Variants in PRDM11 observed in about 807,000 individuals in gnomAD.
PRDM11 encodes PR domain-containing protein 11.
In PRDM11, 20 loss-of-function variants were observed where a neutral mutation model predicts 97.8. That is an observed-to-expected ratio of 0.20 (90% CI 0.14 to 0.30). PRDM11 has a LOEUF of 0.30. Among genes scored for constraint, PRDM11 ranks in the 10% least tolerant of loss-of-function variants. PRDM11 has a pLI of 1.00. For missense variants in PRDM11, 1,139 were observed against 1,555.2 expected (o/e 0.73, Z 4.50); for synonymous variants, 599 against 637.7 (o/e 0.94, Z 0.91).
chr11:45,185,964 C>T lies in PRDM11; in HGVS notation c.486+2841C>T, dbSNP rs1181836799. Among the ~76,000 whole-genome samples, 2 of 151,856 alleles carry T rather than the reference C, an allele frequency of 1.3e-5. 1 individual carries two copies. The highest frequency in any genetic ancestry group is 3.9e-4 in the East Asian group (2 of 5,178). Reference sequence around the variant, plus strand: ...GAGAGAAAGGGATTGGAGGATGCTGCTCTGCTGGCCTTCGAGATAGAGTAA... The same window carrying T: ...GAGAGAAAGGGATTGGAGGATGCTGTTCTGCTGGCCTTCGAGATAGAGTAA... On this transcript the variant is annotated intron_variant, in intron 4 of 7. Transcript: ENST00000683152.
intron 1 of PRDM11, among the ~76,000 whole-genome samples, chr11:45,151,116 C>A (rs567132469): frequency 1.4e-4 from 21 of 152,242 alleles, no homozygotes; most frequent in African/African-American, 4.6e-4. Context: ...TGGGGTAACA[C>A]CTACCTAACA....
chr11:45,181,984 C>T (rs1590412853), intron 2 of PRDM11, 99 bp downstream of exon 2: 1 of 1,117,870 alleles, frequency 8.9e-7, no homozygotes, highest in Non-Finnish European at 1.3e-6. Context: ...CACTCCTTGC[C>T]CACCTTCCCT....
intron 1 of PRDM11, among the ~76,000 whole-genome samples, chr11:45,117,844 GA>G (rs1852337996): frequency 6.6e-6 from 1 of 152,222 alleles, no homozygotes; most frequent in Non-Finnish European, 1.5e-5. Flanking sequence ...GTACAGTATG[GA>G]AAGAAGGGAA....
chr11:45,147,350 G>A (rs1169194215), intron 1 of PRDM11: 1 of 152,000 alleles, frequency 6.6e-6, no homozygotes. Flanking sequence ...CCTAGTTCTC[G>A]CGGACGCCCT....
rs772758478 is a variant in PRDM11 at position 45,227,205 on chromosome 11, C to T, written c.2580C>T (p.Asp860=). 1.6e-4 allele frequency: 244 copies of T among 1,533,964 alleles called. 2 individuals carry two copies. The South Asian group carries it at 2.0e-3, about 13-fold the overall frequency. The part of the protein sequence containing the change: ...KEVSSQTQRA[D]ASAIALALLQ... ...TCAGCAGCCAGACCCAGCGGGCAGACGCCTCGGCCATCGCACTGGCCCTGC... is the reference window on the plus strand; with the variant it reads ...TCAGCAGCCAGACCCAGCGGGCAGATGCCTCGGCCATCGCACTGGCCCTGC... The change falls in exon 8 of 8, where the codon GAC becomes GAT. Residue 860 remains aspartate (D), a synonymous_variant. Transcript: ENST00000683152. This position sits in a 1 kb window ranked among gnomAD's most constrained non-coding sequence, Gnocchi z 8.0.
intron 3 of PRDM11, 56 bp downstream of exon 3, chr11:45,182,405 C>A: frequency 6.7e-7 from 1 of 1,487,410 alleles, no homozygotes; most frequent in Non-Finnish European, 9.3e-7. Context: ...TCGCCCCATT[C>A]CTGGCTAGGG....
rs1854360979 is a variant in PRDM11 at position 45,229,682 on chromosome 11, T to A, written c.*1523T>A. Reference sequence around the variant, plus strand: ...AAAATGTGCGTGAGCTGTTAAAAACTTCTGTTCATGTTCCTACATCTGATT... The same window carrying A: ...AAAATGTGCGTGAGCTGTTAAAAACATCTGTTCATGTTCCTACATCTGATT... On this transcript the variant is annotated 3_prime_UTR_variant, in exon 8 of 8. Coordinates refer to ENST00000683152, the MANE Select transcript of PRDM11 (RefSeq NM_001384648.1). 6.6e-6 allele frequency: 1 copy of A among 152,202 alleles called. No individual in the cohort carries two copies. Among genetic ancestry groups the A allele is most frequent in the Admixed American group, 6.5e-5 (1 of 15,282 alleles). 9.4% of individuals were successfully genotyped at this position (152,202 alleles called of 1,614,324 possible).
upstream of PRDM11, among the ~76,000 whole-genome samples, chr11:45,142,491 G>A (rs1158223089): frequency 6.6e-6 from 1 of 152,058 alleles, no homozygotes; most frequent in African/African-American, 2.4e-5. Context: ...ATCTAGGGAT[G>A]CCCCTCACTC....
At chr11:45,132,048 G>A (rs11038318) in intron 1 of PRDM11, among the ~76,000 whole-genome samples, 19,806 of 152,166 alleles carry the variant, frequency 0.13, 1,473 homozygotes, top group Middle Eastern at 0.22. Flanking sequence ...TAAGAGCAAG[G>A]AAAACATTCC....
chr11:45,158,621 G>A (rs1851857488), intron 1 of PRDM11, among the ~76,000 whole-genome samples: 1 of 152,178 alleles, frequency 6.6e-6, no homozygotes, highest in African/African-American at 2.4e-5. Context: ...ACCCGACTTG[G>A]TTGGTCCCAC....
At chr11:45,125,622 T>C (rs1852550552) in intron 1 of PRDM11, among the ~76,000 whole-genome samples, 1 of 152,210 alleles carries the variant, frequency 6.6e-6, no homozygotes, top group Admixed American at 6.5e-5. Context: ...AGGAGCAGGT[T>C]GTTCAGTTTC....
upstream of PRDM11, among the ~76,000 whole-genome samples, chr11:45,094,693 A>G (rs1369865805): frequency 3.3e-4 from 41 of 124,952 alleles, no homozygotes; most frequent in African/African-American, 1.1e-3. Context: ...GATGGAAGGA[A>G]GGAAGGAAGG....
At position 45,224,401 on chromosome 11, in the gene PRDM11, G is replaced by T. The variant is rs768274470; in HGVS notation, c.927G>T (p.Leu309=). The change falls in exon 7 of 8, where the codon CTG becomes CTT. Residue 309 remains leucine, a synonymous_variant. Transcript: ENST00000683152. Reference sequence around the variant, plus strand: ...TTGACCTGATTTTCAAGGATGTTCTGGAGGCCTCACTGGAATCTGCGAAGG... The same window carrying T: ...TTGACCTGATTTTCAAGGATGTTCTTGAGGCCTCACTGGAATCTGCGAAGG... ...KKIDLIFKDV[L]EASLESAKVE... is the part of the protein sequence containing the mutation. 1 of 1,614,076 alleles carries T rather than the reference G, an allele frequency of 6.2e-7. No homozygotes were observed. The highest frequency in any genetic ancestry group is 1.3e-5 in the African/African-American group (1 of 74,926).
chr11:45,229,534 A>G lies in PRDM11; in HGVS notation c.*1375A>G, dbSNP rs1470789259. ...CACACACACACAATCACAATATACA[A>G]TATAAGCTTTAGAAATAGCCACTTG... On this transcript the variant is annotated 3_prime_UTR_variant, in exon 8 of 8. Transcript: ENST00000683152. 6.6e-6 allele frequency: 1 copy of G among 152,018 alleles called. No individual in the cohort carries two copies. The highest frequency in any genetic ancestry group is 2.4e-5 in the African/African-American group (1 of 41,386). The allele number at this position is 152,018 out of a possible 1,614,324, so 9.4% of individuals were successfully genotyped here. A position where few individuals can be genotyped will look rare whatever the true frequency, so the allele number is the denominator to read the frequency against.
intron 5 of PRDM11, among the ~76,000 whole-genome samples, chr11:45,211,451 A>G (rs906183432): frequency 7.9e-5 from 12 of 152,166 alleles, no homozygotes; most frequent in African/African-American, 2.9e-4. Context: ...ACCCTTGGTC[A>G]CCAGAAAGCA....
chr11:45,211,717 C>G (rs573991919), intron 5 of PRDM11, among the ~76,000 whole-genome samples: 6 of 152,012 alleles, frequency 3.9e-5, no homozygotes, highest in Non-Finnish European at 5.9e-5. Context: ...TCCCTCACCC[C>G]CTTCCCACTC....
chr11:45,152,091 A>G (rs1444259209), intron 1 of PRDM11, among the ~76,000 whole-genome samples: 2 of 152,124 alleles, frequency 1.3e-5, no homozygotes, highest in African/African-American at 4.8e-5. Context: ...TATTTGAGAC[A>G]GGGTCTTACT....
intron 5 of PRDM11, among the ~76,000 whole-genome samples, chr11:45,207,103 A>C (rs563226644): frequency 6.6e-6 from 1 of 152,312 alleles, no homozygotes; most frequent in East Asian, 1.9e-4. Context: ...CTCAAAGAGC[A>C]GGTTTGGGTT....
At chr11:45,174,201 A>G (rs1852273233) in intron 1 of PRDM11, among the ~76,000 whole-genome samples, 2 of 152,192 alleles carry the variant, frequency 1.3e-5, no homozygotes, top group Admixed American at 6.5e-5. Context: ...TCCAGATTAT[A>G]GCATGTAGTT....
Sources: allele counts gnomAD v4.1 joint callset (sites outside exome capture counted in the v4.1 genomes callset), GRCh38; gene constraint gnomAD v4.1.1; non-coding constraint Gnocchi (gnomAD v3.1); transcripts MANE v1.5; gene names NCBI Gene and HGNC (gene_info 2026-07-23, HGNC 2026-07-21).